HORMAD2: variants seen among roughly 807,000 people sequenced by gnomAD.
HORMAD2 encodes HORMA domain-containing protein 2.
Under a neutral mutation model 38.8 loss-of-function variants are expected in HORMAD2, and 45 were observed. That is an observed-to-expected ratio of 1.16 (90% CI 0.91 to 1.49). The LOEUF (loss-of-function observed/expected upper bound fraction) is 1.49, where lower values mean the gene tolerates loss of function less well. Ranked by LOEUF, HORMAD2 falls within the 40% of genes most tolerant of loss-of-function variation. The pLI is 0.00. For missense variants in HORMAD2, 338 were observed against 367.0 expected (o/e 0.92, Z 0.65); for synonymous variants, 126 against 122.8 (o/e 1.03, Z -0.17).
chr22:30,159,274 C>T (rs532128616), intron 10 of HORMAD2, among the ~76,000 whole-genome samples: 3 of 152,264 alleles, frequency 2.0e-5, no homozygotes, highest in Non-Finnish European at 2.9e-5. Context: ...CAGCTAGATT[C>T]GAACTAGCCC....
chr22:30,197,110 G>C, the HORMAD2 span, among the ~76,000 whole-genome samples: 3 of 152,060 alleles, frequency 2.0e-5, no homozygotes, highest in Non-Finnish European at 2.9e-5. Context: ...CAAAGTTTTT[G>C]GGCAGGCTTT....
At chr22:30,170,751 T>G (rs1926061519) in intron 10 of HORMAD2, among the ~76,000 whole-genome samples, 1 of 152,126 alleles carries the variant, frequency 6.6e-6, no homozygotes, top group Non-Finnish European at 1.5e-5. Flanking sequence ...TAAGGAGCCT[T>G]CTCTAAATTC....
intron 10 of HORMAD2, among the ~76,000 whole-genome samples, chr22:30,134,826 G>C (rs1256692772): frequency 6.6e-6 from 1 of 151,940 alleles, no homozygotes; most frequent in Non-Finnish European, 1.5e-5. Flanking sequence ...AAAGAAGAAT[G>C]GGCCAAATCC....
chr22:30,153,669 CT>C (rs1924893247), intron 10 of HORMAD2, among the ~76,000 whole-genome samples: 1 of 152,128 alleles, frequency 6.6e-6, no homozygotes, highest in Non-Finnish European at 1.5e-5. Flanking sequence ...TTTAATCAAG[CT>C]TTTATCACCA....
At chr22:30,193,023 TC>T in the HORMAD2 span, among the ~76,000 whole-genome samples, 2 of 152,202 alleles carry the variant, frequency 1.3e-5, no homozygotes, top group Non-Finnish European at 2.9e-5. Context: ...ATAAATGTAT[TC>T]ATTGATATAT....
chr22:30,115,621 A>G (rs1315877628), intron 7 of HORMAD2, among the ~76,000 whole-genome samples: 1 of 152,200 alleles, frequency 6.6e-6, no homozygotes, highest in East Asian at 1.9e-4. Flanking sequence ...AGGTATAAAA[A>G]CACAGGGGTG....
intron 1 of HORMAD2, among the ~76,000 whole-genome samples, chr22:30,086,432 A>G (rs1342748080): frequency 6.6e-6 from 1 of 152,174 alleles, no homozygotes; most frequent in Non-Finnish European, 1.5e-5. Flanking sequence ...TGAGAGCTAG[A>G]AGGAATATAG....
At chr22:30,190,998 CT>C in the HORMAD2 span, among the ~76,000 whole-genome samples, 1 of 152,058 alleles carries the variant, frequency 6.6e-6, no homozygotes, top group Non-Finnish European at 1.5e-5. Context: ...GCATGAATTG[CT>C]ATGAGCAAGA....
At chr22:30,194,453 G>T in the HORMAD2 span, among the ~76,000 whole-genome samples, 1 of 152,324 alleles carries the variant, frequency 6.6e-6, no homozygotes, top group South Asian at 2.1e-4. Context: ...CCTATGGCTG[G>T]TTGGGATTTG....
intron 10 of HORMAD2, among the ~76,000 whole-genome samples, chr22:30,131,685 C>T (rs1923295232): frequency 6.6e-6 from 1 of 152,118 alleles, no homozygotes; most frequent in Non-Finnish European, 1.5e-5. Flanking sequence ...TTAAGCATAT[C>T]CCAAACATAC....
chr22:30,132,496 G>C (rs1923350251), intron 10 of HORMAD2, among the ~76,000 whole-genome samples: 2 of 151,380 alleles, frequency 1.3e-5, no homozygotes, highest in African/African-American at 4.9e-5. Context: ...AGATCACTCA[G>C]GCTACTGCAC....
At chr22:30,153,864 C>T (rs1452109222) in intron 10 of HORMAD2, among the ~76,000 whole-genome samples, 1 of 152,168 alleles carries the variant, frequency 6.6e-6, no homozygotes, top group Non-Finnish European at 1.5e-5. Flanking sequence ...GCTTTCCATT[C>T]AAAATATATT....
the HORMAD2 span, among the ~76,000 whole-genome samples, chr22:30,184,155 T>C: frequency 2.0e-5 from 3 of 152,214 alleles, no homozygotes; most frequent in East Asian, 3.8e-4. Context: ...AAAGAGCTTT[T>C]TTCCTGGACT....
intron 7 of HORMAD2, among the ~76,000 whole-genome samples, chr22:30,118,052 A>T (rs1049486715): frequency 2.6e-5 from 4 of 152,082 alleles, no homozygotes; most frequent in African/African-American, 9.7e-5. Context: ...AATTGCTCTC[A>T]TGGTTTTTAT....
chr22:30,125,216 CTTTTTTTTTTTTTTTT>C (rs1167990121), intron 10 of HORMAD2, among the ~76,000 whole-genome samples: 2 of 43,484 alleles, frequency 4.6e-5, no homozygotes, highest in Non-Finnish European at 8.0e-5. Context: ...TTTTTCTTTT[CTTTTTTTTTTTTTTTT>C]TTTTTTTTTT....
At chr22:30,092,898 G>A (rs1474678937) in intron 1 of HORMAD2, among the ~76,000 whole-genome samples, 1 of 152,134 alleles carries the variant, frequency 6.6e-6, no homozygotes, top group Non-Finnish European at 1.5e-5. Context: ...TAGCTTTGTA[G>A]TATATTTTAA....
chr22:30,119,092 A>G, intron 8 of HORMAD2, 45 bp downstream of exon 8: 1 of 1,336,670 alleles, frequency 7.5e-7, no homozygotes, highest in Non-Finnish European at 1.0e-6. Flanking sequence ...AATAGGATTG[A>G]GGTAAACATA....
At chr22:30,094,046 A>G in intron 2 of HORMAD2, 43 bp downstream of exon 2, 1 of 1,327,320 alleles carries the variant, frequency 7.5e-7, no homozygotes, top group Non-Finnish European at 1.1e-6. Context: ...CCATTTAGTG[A>G]GTTAGTTCAG....
chr22:30,162,934 T>G (rs920376086), intron 10 of HORMAD2, among the ~76,000 whole-genome samples: 3 of 152,094 alleles, frequency 2.0e-5, no homozygotes, highest in African/African-American at 4.8e-5. Context: ...ACTCCTGACC[T>G]CAAGTGATCC....
Sources: allele counts gnomAD v4.1 joint callset (sites outside exome capture counted in the v4.1 genomes callset), GRCh38; gene constraint gnomAD v4.1.1; transcripts MANE v1.5; gene names NCBI Gene and HGNC (gene_info 2026-07-23, HGNC 2026-07-21).